Variants in LOXHD1 observed in about 807,000 individuals in gnomAD.
The protein encoded by LOXHD1 is lipoxygenase homology domain-containing protein 1.
LOXHD1 carries 205 observed loss-of-function variants against 248.2 expected under a neutral mutation model. The ratio of observed to expected loss-of-function variants is 0.83; its 90% CI spans 0.74 to 0.93. The LOEUF (loss-of-function observed/expected upper bound fraction) is 0.93. Among genes scored for constraint, LOXHD1 ranks in the 40% least tolerant of loss-of-function variants. The pLI is 0.00. For missense variants in LOXHD1, 2,930 were observed against 2,971.6 expected (o/e 0.99, Z 0.33); for synonymous variants, 1,113 against 1,162.8 (o/e 0.96, Z 0.87).
In LOXHD1 at chr18:46,509,739, T is replaced by A; in HGVS notation, c.5476A>T (p.Ile1826Phe). The A allele has an allele frequency of 1.3e-6, 2 of 1,551,586 alleles. No individual in the cohort carries two copies. The highest frequency in any genetic ancestry group is 2.4e-5 in the South Asian group (2 of 84,040). The change falls in exon 35 of 41, where the codon ATT becomes TTT. Residue 1826 changes from isoleucine to phenylalanine, a missense_variant. By Grantham distance (21) the Ile-to-Phe change is conservative. Coordinates refer to ENST00000642948, the MANE Select transcript of LOXHD1 (RefSeq NM_001384474.1). ...IAPFTKMRIRIDGLGSRPEWF... is the reference protein window; with the variant it reads ...IAPFTKMRIRFDGLGSRPEWF... ...TCCGGCCGACTGCCCAGGCCATCAA[T>A]CCGGATCCGCATCTTGGTGAATGGA... is the stretch of plus-strand genomic sequence containing the variant.
rs773969803 is a variant in LOXHD1, at chr18:46,489,108, A to G, written c.5913T>C (p.Asp1971=). Residue 1971 remains aspartate (D), a synonymous_variant, in exon 38 of 41, where the codon GAT becomes GAC. Coordinates refer to ENST00000642948, the MANE Select transcript of LOXHD1 (RefSeq NM_001384474.1). ...TCTCGTCGCGGGAGTTGTCCTTCAC[A>G]TCGACATAGCTCAGATGCCAGCCAG... ...IFPGWHLSYV[D]VKDNSRDETF... The G allele has an allele frequency of 2.5e-5, 39 of 1,551,578 alleles. 1 individual carries two copies. In the South Asian group the frequency reaches 3.0e-4, roughly 12 times the overall value.
chr18:46,507,190 G>A (rs577836695), intron 36 of LOXHD1, among the ~76,000 whole-genome samples: 4 of 152,334 alleles, frequency 2.6e-5, no homozygotes, highest in Admixed American at 6.5e-5. Context: ...AAGCACATGG[G>A]TCCGAGCATG....
At chr18:46,521,684 C>T (rs892692003) in intron 32 of LOXHD1, among the ~76,000 whole-genome samples, 85 of 152,262 alleles carry the variant, frequency 5.6e-4, no homozygotes, top group African/African-American at 1.9e-3. Flanking sequence ...AACCAGTGAG[C>T]TTGGAAGATG....
Position 46,524,466 on chromosome 18 carries a change from T to C in LOXHD1, c.4876A>G (p.Ile1626Val). The C allele has an allele frequency of 6.5e-7, 1 of 1,549,288 alleles. No homozygotes were observed. Among genetic ancestry groups the C allele is most frequent in the Non-Finnish European group, 8.7e-7 (1 of 1,144,932 alleles). Residue 1626 changes from isoleucine to valine, a missense_variant and splice_region_variant, in exon 31 of 41, where the codon ATT becomes GTT. Transcript: ENST00000642948. ...CCAAAGAGCTCCCTGGTTGGCTTAC[T>C]TGGGCCCTCTTGAACGTAGTCAGCC... ...PMADYVQEGP[I>V]IPYYVSVTTG... is the part of the protein sequence containing the mutation.
chr18:46,515,586 C>T (rs1056607030), intron 34 of LOXHD1, among the ~76,000 whole-genome samples: 2 of 152,192 alleles, frequency 1.3e-5, no homozygotes, highest in African/African-American at 2.4e-5. Flanking sequence ...AAACGAGATG[C>T]CTCTTCCACC....
intron 38 of LOXHD1, among the ~76,000 whole-genome samples, chr18:46,487,922 A>G (rs2033182139): frequency 6.6e-6 from 1 of 152,186 alleles, no homozygotes; most frequent in African/African-American, 2.4e-5. Context: ...GGTTTCAGGT[A>G]CATACAACCA....
chr18:46,603,505 C>T (rs926720736), intron 7 of LOXHD1, among the ~76,000 whole-genome samples: 3 of 152,062 alleles, frequency 2.0e-5, no homozygotes, highest in African/African-American at 7.2e-5. Flanking sequence ...ACAATATCAA[C>T]GTTGATTTTC....
intron 4 of LOXHD1, among the ~76,000 whole-genome samples, chr18:46,627,712 C>T (rs556837333): frequency 1.4e-4 from 22 of 152,196 alleles, no homozygotes; most frequent in Admixed American, 7.8e-4. Flanking sequence ...GTGTGAGTGA[C>T]ACTGAGCCAT....
chr18:46,585,183 G>A (rs1048426413), intron 12 of LOXHD1, among the ~76,000 whole-genome samples: 2 of 152,234 alleles, frequency 1.3e-5, no homozygotes, highest in African/African-American at 4.8e-5. Flanking sequence ...TGTATTCAAT[G>A]TGGTGCTGGA....
At chr18:46,584,860 T>C (rs1227623429) in intron 12 of LOXHD1, among the ~76,000 whole-genome samples, 3 of 152,188 alleles carry the variant, frequency 2.0e-5, no homozygotes, top group African/African-American at 7.2e-5. Context: ...AAAAGAATTA[T>C]ACATCATGAC....
chr18:46,565,179 G>T (rs570184906), intron 17 of LOXHD1, among the ~76,000 whole-genome samples: 1 of 151,944 alleles, frequency 6.6e-6, no homozygotes, highest in Admixed American at 6.5e-5. Context: ...CAGGAGAATC[G>T]CTTGAACCCG....
At chr18:46,653,162 G>A (rs906962099) in intron 1 of LOXHD1, among the ~76,000 whole-genome samples, 40 of 152,282 alleles carry the variant, frequency 2.6e-4, no homozygotes, top group African/African-American at 8.4e-4. Flanking sequence ...CAGGAGAATT[G>A]CTTGAACCTG....
chr18:46,523,425 C>T (rs2035675770), intron 31 of LOXHD1, among the ~76,000 whole-genome samples: 1 of 152,134 alleles, frequency 6.6e-6, no homozygotes, highest in African/African-American at 2.4e-5. Context: ...TTAAAGGAAC[C>T]TAGGTCCTTG....
At chr18:46,483,220 G>A (rs923923534) in intron 40 of LOXHD1, among the ~76,000 whole-genome samples, 2 of 152,162 alleles carry the variant, frequency 1.3e-5, no homozygotes, top group African/African-American at 4.8e-5. Flanking sequence ...GTAAACAGCA[G>A]GCTTCATAAC....
rs886053828 is a variant in LOXHD1 at position 46,542,827 on chromosome 18, T to C, written c.3648A>G (p.Thr1216=). The C allele has an allele frequency of 4.5e-6, 7 of 1,551,740 alleles. No individual in the cohort carries two copies. The East Asian group carries it at 1.7e-4, about 38-fold the overall frequency. ...TGTCCCTCTCAAACTTATCGCTGTTTGTCTTGGAGGACTTCAGGAGGGTCA... is the reference window on the plus strand; with the variant it reads ...TGTCCCTCTCAAACTTATCGCTGTTCGTCTTGGAGGACTTCAGGAGGGTCA... ...TGMTLLKSSK[T]NSDKFERDSI... is the part of the protein sequence containing the mutation. Residue 1216 remains threonine (T), a synonymous_variant, in exon 24 of 41, where the codon ACA becomes ACG. Coordinates refer to ENST00000642948, the MANE Select transcript of LOXHD1 (RefSeq NM_001384474.1).
At chr18:46,654,197 C>T (rs1037433602) in intron 1 of LOXHD1, among the ~76,000 whole-genome samples, 2 of 152,180 alleles carry the variant, frequency 1.3e-5, no homozygotes, top group Admixed American at 1.3e-4. Context: ...GACTTCTCAG[C>T]CTCCAGAATT....
At chr18:46,648,381 T>G (rs1309741473) in intron 2 of LOXHD1, among the ~76,000 whole-genome samples, 1 of 152,236 alleles carries the variant, frequency 6.6e-6, no homozygotes, top group Non-Finnish European at 1.5e-5. Context: ...TTCCAGGCTT[T>G]GGTTTCCCCA....
At chr18:46,618,772 A>C (rs2144329519) in intron 4 of LOXHD1, among the ~76,000 whole-genome samples, 1 of 152,312 alleles carries the variant, frequency 6.6e-6, no homozygotes, top group East Asian at 1.9e-4. Flanking sequence ...TAGCATAAAA[A>C]TTCACTGGGA....
At chr18:46,586,284 G>A (rs1306719908) in intron 12 of LOXHD1, among the ~76,000 whole-genome samples, 6 of 152,160 alleles carry the variant, frequency 3.9e-5, no homozygotes, top group Admixed American at 3.9e-4. Context: ...ACGGGTATGG[G>A]TTTTCTTTTT....
Sources: allele counts gnomAD v4.1 joint callset (sites outside exome capture counted in the v4.1 genomes callset), GRCh38; gene constraint gnomAD v4.1.1; transcripts MANE v1.5; gene names NCBI Gene and HGNC (gene_info 2026-07-23, HGNC 2026-07-21).